TSEN2: variants seen among roughly 807,000 people sequenced by gnomAD.
The protein encoded by TSEN2 is tRNA splicing endonuclease subunit 2.
TSEN2 carries 54 observed loss-of-function variants against 59.2 expected under a neutral mutation model. The observed-to-expected ratio is 0.91, with a 90% CI of 0.73 to 1.14. The LOEUF (loss-of-function observed/expected upper bound fraction) is 1.14, where lower values mean the gene tolerates loss of function less well. TSEN2 is among the 50% of genes most tolerant of loss of function. The pLI, the probability that TSEN2 is intolerant of heterozygous loss-of-function variation, is 0.00. For missense variants in TSEN2, 636 were observed against 576.2 expected, an observed-to-expected ratio of 1.10 and a Z score of -1.06; for synonymous variants, 195 against 198.2, an observed-to-expected ratio of 0.98 and a Z score of 0.14.
intron 5 of TSEN2, among the ~76,000 whole-genome samples, chr3:12,504,671 A>G (rs1242833389): frequency 6.6e-6 from 1 of 152,218 alleles, no homozygotes. Context: ...AAAGGAAATA[A>G]ATGAGAATCT....
chr3:12,495,702 C>T (rs2053680213), intron 3 of TSEN2, among the ~76,000 whole-genome samples: 1 of 152,174 alleles, frequency 6.6e-6, no homozygotes, highest in Admixed American at 6.5e-5. Flanking sequence ...TGCTCACTTT[C>T]CTGTGGGGTT....
At chr3:12,531,856 C>T (rs998748439) in intron 11 of TSEN2, among the ~76,000 whole-genome samples, 197 bp downstream of exon 11, 3 of 152,176 alleles carry the variant, frequency 2.0e-5, no homozygotes, top group African/African-American at 7.2e-5. Context: ...TCCTCTATTC[C>T]TTAATTCCCC....
At position 12,521,662 on chromosome 3, in the gene TSEN2, C is replaced by A. The variant is rs150988161; in HGVS notation, c.1099+2465C>A. On this transcript the variant is annotated intron_variant, in intron 8 of 11. Coordinates refer to ENST00000284995, the MANE Select transcript of TSEN2 (RefSeq NM_025265.4). ...CTTGGGAGGCAGAGGTTGCAGTGAGCCAAGATCACACCACTGCACTCCAGC... is the reference window on the plus strand; with the variant it reads ...CTTGGGAGGCAGAGGTTGCAGTGAGACAAGATCACACCACTGCACTCCAGC... Among the ~76,000 whole-genome samples the A allele has an allele frequency of 3.2e-3, 482 of 151,930 alleles. 2 individuals are homozygous for A. The highest frequency in any genetic ancestry group is 0.01 in the African/African-American group (418 of 41,424).
At chr3:12,510,283 C>T (rs192242929) in intron 6 of TSEN2, among the ~76,000 whole-genome samples, 1 of 152,180 alleles carries the variant, frequency 6.6e-6, no homozygotes, top group Non-Finnish European at 1.5e-5. Flanking sequence ...GCTGAGTTTC[C>T]TCACTCACTC....
intron 10 of TSEN2, chr3:12,530,637 G>C: frequency 1.0e-6 from 1 of 985,490 alleles, no homozygotes; most frequent in Non-Finnish European, 1.2e-6. Context: ...TGCAGGGCTA[G>C]AGATGACTGC....
At chr3:12,512,567 G>T (rs1410876484) in intron 6 of TSEN2, among the ~76,000 whole-genome samples, 1 of 152,154 alleles carries the variant, frequency 6.6e-6, no homozygotes, top group Non-Finnish European at 1.5e-5. Context: ...TACTTAAATG[G>T]TGAAAGTATT....
chr3:12,504,340 G>A (rs1247599952), intron 5 of TSEN2, among the ~76,000 whole-genome samples: 2 of 152,172 alleles, frequency 1.3e-5, no homozygotes, highest in South Asian at 2.1e-4. Flanking sequence ...CCAGCACTTT[G>A]GGAGGACGAG....
chr3:12,515,505 C>G (rs1247324627), intron 6 of TSEN2, among the ~76,000 whole-genome samples: 1 of 152,200 alleles, frequency 6.6e-6, no homozygotes, highest in African/African-American at 2.4e-5. Context: ...CCCCATTTTA[C>G]CACTGGCTAC....
chr3:12,529,340 G>A (rs1302285952), intron 9 of TSEN2, among the ~76,000 whole-genome samples: 9 of 152,018 alleles, frequency 5.9e-5, no homozygotes, highest in African/African-American at 9.7e-5. Context: ...GGTGGCAGGC[G>A]CCTGTAATCT....
At chr3:12,489,018 A>C (rs181309283) in intron 1 of TSEN2, among the ~76,000 whole-genome samples, 2 of 152,216 alleles carry the variant, frequency 1.3e-5, no homozygotes, top group African/African-American at 2.4e-5. Flanking sequence ...GTACTGTTCT[A>C]AGCACTTTAT....
At chr3:12,535,270 C>T (rs1469378990), downstream of TSEN2, among the ~76,000 whole-genome samples, 1 of 152,136 alleles carries the variant, frequency 6.6e-6, no homozygotes, top group Admixed American at 6.5e-5. Flanking sequence ...ATAATCATCC[C>T]ATGAATGTTA....
intron 6 of TSEN2, among the ~76,000 whole-genome samples, chr3:12,506,372 A>T (rs1211049040): frequency 2.6e-5 from 4 of 152,096 alleles, no homozygotes; most frequent in African/African-American, 9.7e-5. Context: ...AGGCAGGCAG[A>T]TAGCTTGAGC....
chr3:12,539,315 G>A (rs1303706307), exon 11 of TSEN2: 1 of 332,778 alleles, frequency 3.0e-6, no homozygotes, highest in Non-Finnish European at 5.8e-6. Context: ...TGTATTTTTA[G>A]TAGAGACGGG....
Position 12,529,807 on chromosome 3 carries a change from T to G in TSEN2, c.1182T>G (p.Ser394=). 1 of 1,614,188 alleles carries G rather than the reference T, an allele frequency of 6.2e-7. No individual in the cohort carries two copies. Among genetic ancestry groups the G allele is most frequent in the Non-Finnish European group, 8.5e-7 (1 of 1,180,026 alleles). Residue 394 remains serine (S), a synonymous_variant, in exon 10 of 12, where the codon TCT becomes TCG. Coordinates refer to ENST00000284995, the MANE Select transcript of TSEN2 (RefSeq NM_025265.4). ...TAGTTGATGACCATTTTGAAGGCTC[T>G]CTCCGCAGGCCTCTCAGTTGGAAGT... ...IELVDDHFEG[S]LRRPLSWKSL...
At chr3:12,500,353 C>T (rs1363123150) in intron 4 of TSEN2, among the ~76,000 whole-genome samples, 1 of 152,152 alleles carries the variant, frequency 6.6e-6, no homozygotes, top group Non-Finnish European at 1.5e-5. Flanking sequence ...ACATGCTCTT[C>T]GAGCCTCAGT....
intron 6 of TSEN2, among the ~76,000 whole-genome samples, chr3:12,507,608 G>T (rs2054980186): frequency 6.6e-6 from 1 of 152,064 alleles, no homozygotes. Context: ...ATGCCCATTG[G>T]GTACCTACTA....
intron 1 of TSEN2, among the ~76,000 whole-genome samples, chr3:12,485,132 G>T (rs1443875934): frequency 6.6e-6 from 1 of 152,172 alleles, no homozygotes; most frequent in Non-Finnish European, 1.5e-5. Flanking sequence ...TTTCATCCTT[G>T]CCTCCCTAAG....
At chr3:12,517,776 T>G (rs907136949) in intron 7 of TSEN2, among the ~76,000 whole-genome samples, 5 of 152,140 alleles carry the variant, frequency 3.3e-5, no homozygotes, top group African/African-American at 1.2e-4. Context: ...GGGCCTTAGC[T>G]GAAATGTGTC....
intron 6 of TSEN2, among the ~76,000 whole-genome samples, chr3:12,508,711 T>C (rs771400904): frequency 2.0e-5 from 3 of 152,186 alleles, no homozygotes; most frequent in Non-Finnish European, 2.9e-5. Context: ...TTTGGAAATT[T>C]TCATAGAGTA....
Sources: allele counts gnomAD v4.1 joint callset (sites outside exome capture counted in the v4.1 genomes callset), GRCh38; gene constraint gnomAD v4.1.1; transcripts MANE v1.5; gene names NCBI Gene and HGNC (gene_info 2026-07-23, HGNC 2026-07-21).